Variants in SORCS1 observed in about 807,000 individuals in gnomAD.
SORCS1 encodes the protein sortilin related VPS10 domain containing receptor 1, also known as VPS10 domain-containing receptor SorCS1.
Under a neutral mutation model 146.1 loss-of-function variants are expected in SORCS1, and 60 were observed. The ratio of observed to expected loss-of-function variants is 0.41; its 90% CI spans 0.33 to 0.51. The LOEUF (loss-of-function observed/expected upper bound fraction) is 0.51, where lower values mean the gene tolerates loss of function less well. Ranked by LOEUF, SORCS1 falls within the 20% of genes least tolerant of loss-of-function variation. The pLI, the probability that SORCS1 is intolerant of heterozygous loss-of-function variation, is 0.21. For synonymous variants in SORCS1, 637 were observed against 584.0 expected (o/e 1.09, Z -1.31); for missense variants, 1,352 against 1,487.6 (o/e 0.91, Z 1.50).
chr10:106,881,744 C>T (rs115983701), intron 2 of SORCS1, among the ~76,000 whole-genome samples: 2,132 of 152,280 alleles, frequency 0.014, 64 homozygotes, highest in African/African-American at 0.049. Context: ...CCTTACTAAG[C>T]CACCATTTTT....
At chr10:106,583,139 A>T (rs56292551) in intron 24 of SORCS1, among the ~76,000 whole-genome samples, 2,825 of 152,344 alleles carry the variant, frequency 0.019, 35 homozygotes, top group Middle Eastern at 0.048. Context: ...GATGGAATTT[A>T]TAAAGTACTG....
chr10:106,764,919 A>T (rs948536081), intron 4 of SORCS1, among the ~76,000 whole-genome samples: 1 of 149,720 alleles, frequency 6.7e-6, no homozygotes, highest in African/African-American at 2.5e-5. Context: ...GCTACTCGGG[A>T]GACTGAGGCA....
At chr10:106,653,585 C>A (rs1213069899) in intron 17 of SORCS1, among the ~76,000 whole-genome samples, 2 of 152,208 alleles carry the variant, frequency 1.3e-5, no homozygotes, top group African/African-American at 4.8e-5. Flanking sequence ...AGAATGTATG[C>A]AGCTGGATTC....
intron 3 of SORCS1, among the ~76,000 whole-genome samples, chr10:106,821,673 G>A (rs1288624353): frequency 6.6e-6 from 1 of 152,148 alleles, no homozygotes; most frequent in Non-Finnish European, 1.5e-5. Context: ...TGTAATCCCA[G>A]CACTTTGGGA....
intron 24 of SORCS1, among the ~76,000 whole-genome samples, chr10:106,582,647 G>T (rs1042966091): frequency 1.3e-5 from 2 of 152,188 alleles, no homozygotes; most frequent in African/African-American, 2.4e-5. Context: ...TCCCTTTCCA[G>T]TTGCAGCTTA....
chr10:106,636,238 T>TAAC (rs1455591137), intron 18 of SORCS1, among the ~76,000 whole-genome samples: 1 of 151,348 alleles, frequency 6.6e-6, no homozygotes, highest in Non-Finnish European at 1.5e-5. Context: ...CCAGCCTGGA[T>TAAC]AACAGAGTGA....
intron 1 of SORCS1, among the ~76,000 whole-genome samples, chr10:107,101,032 G>A (rs574305566): frequency 1.3e-5 from 2 of 152,158 alleles, no homozygotes; most frequent in African/African-American, 2.4e-5. Flanking sequence ...GTAGCTAGGA[G>A]TATAGGCATG....
intron 10 of SORCS1, 106 bp from the exon 11 acceptor site, chr10:106,679,840 A>ACAT: frequency 1.2e-6 from 1 of 804,342 alleles, no homozygotes; most frequent in Non-Finnish European, 2.0e-6. Context: ...CATTTACCAT[A>ACAT]CATCCATGCA....
At chr10:106,610,373 T>C (rs1198489942) in intron 22 of SORCS1, among the ~76,000 whole-genome samples, 1 of 152,120 alleles carries the variant, frequency 6.6e-6, no homozygotes, top group Non-Finnish European at 1.5e-5. Flanking sequence ...TTTCTTCACC[T>C]ACAGAATGGG....
intron 2 of SORCS1, among the ~76,000 whole-genome samples, chr10:106,843,717 G>A (rs915842227): frequency 3.7e-4 from 56 of 152,170 alleles, no homozygotes; most frequent in African/African-American, 1.3e-3. Context: ...TTACAGGCGT[G>A]AGCCACTGCA....
intron 18 of SORCS1, among the ~76,000 whole-genome samples, chr10:106,634,200 T>G (rs1055179330): frequency 3.0e-4 from 45 of 152,314 alleles, no homozygotes; most frequent in African/African-American, 1.0e-3. Flanking sequence ...GAAAATGAGT[T>G]GCTGGGTGGT....
intron 2 of SORCS1, among the ~76,000 whole-genome samples, chr10:106,876,107 A>G (rs1328502371): frequency 6.6e-6 from 1 of 152,126 alleles, no homozygotes; most frequent in East Asian, 1.9e-4. Flanking sequence ...CTTCAGCATA[A>G]TTCTGATTCA....
intron 2 of SORCS1, among the ~76,000 whole-genome samples, chr10:106,849,601 C>T (rs914048300): frequency 6.6e-6 from 1 of 151,492 alleles, no homozygotes; most frequent in Non-Finnish European, 1.5e-5. Context: ...AAATCATTCT[C>T]CATCCAGCTT....
chr10:106,986,516 G>A (rs1034360319), intron 1 of SORCS1, among the ~76,000 whole-genome samples: 3 of 16,486 alleles, frequency 1.8e-4, no homozygotes, highest in African/African-American at 3.9e-4. Flanking sequence ...ACAACCGTGT[G>A]TGTGTGTGTG....
chr10:107,074,930 C>T (rs1962755154), intron 1 of SORCS1, among the ~76,000 whole-genome samples: 1 of 151,960 alleles, frequency 6.6e-6, no homozygotes, highest in African/African-American at 2.4e-5. Flanking sequence ...TATTCTCTGA[C>T]TGTTTTCATC....
At chr10:107,148,037 C>T (rs1343469971) in intron 1 of SORCS1, among the ~76,000 whole-genome samples, 1 of 152,140 alleles carries the variant, frequency 6.6e-6, no homozygotes, top group Non-Finnish European at 1.5e-5. Context: ...AGTTTTTAAA[C>T]AGAGGCAGTA....
chr10:107,088,096 T>C (rs982923905), intron 1 of SORCS1, among the ~76,000 whole-genome samples: 1 of 99,544 alleles, frequency 1.0e-5, no homozygotes, highest in Non-Finnish European at 2.2e-5. Flanking sequence ...TTTTTTGTAT[T>C]TTTACTAGAG....
chr10:106,888,867 G>A (rs919828313), intron 2 of SORCS1, among the ~76,000 whole-genome samples: 11 of 152,172 alleles, frequency 7.2e-5, no homozygotes, highest in African/African-American at 1.4e-4. Context: ...CGGAGTTTAC[G>A]CTGGATAAAC....
chr10:107,022,788 G>A (rs888196354), intron 1 of SORCS1, among the ~76,000 whole-genome samples: 1 of 152,196 alleles, frequency 6.6e-6, no homozygotes, highest in African/African-American at 2.4e-5. Flanking sequence ...TCAGGGTTTA[G>A]GGTAAAGAAA....
Sources: allele counts gnomAD v4.1 joint callset (sites outside exome capture counted in the v4.1 genomes callset), GRCh38; gene constraint gnomAD v4.1.1; transcripts MANE v1.5; gene names NCBI Gene and HGNC (gene_info 2026-07-23, HGNC 2026-07-21).